Variants in RARB observed in about 807,000 individuals in gnomAD.
RARB encodes retinoic acid receptor beta.
RARB carries 17 observed loss-of-function variants against 51.9 expected under a neutral mutation model. The observed-to-expected ratio is 0.33, with a 90% CI of 0.22 to 0.49. The LOEUF is 0.49. RARB is among the 20% of genes least tolerant of loss of function. The probability of loss-of-function intolerance (pLI) is 0.99; values close to 1 mark genes in which losing one functional copy is unlikely to be tolerated. For missense variants in RARB, 369 were observed against 550.8 expected (o/e 0.67, Z 3.30); for synonymous variants, 215 against 195.4 (o/e 1.10, Z -0.84).
At chr3:25,302,605 C>T (rs1000098704) in intron 5 of RARB, among the ~76,000 whole-genome samples, 10 of 152,084 alleles carry the variant, frequency 6.6e-5, no homozygotes, top group African/African-American at 1.4e-4. Context: ...TGGGGACAAG[C>T]GACAATGGGG....
chr3:25,048,824 C>T (rs1054630350), intron 2 of RARB, among the ~76,000 whole-genome samples: 3 of 143,644 alleles, frequency 2.1e-5, no homozygotes, highest in African/African-American at 5.2e-5. Flanking sequence ...GGCGCGATCT[C>T]GGCTCACTGC....
chr3:24,951,865 C>G (rs1327297578), intron 2 of RARB, among the ~76,000 whole-genome samples: 1 of 152,164 alleles, frequency 6.6e-6, no homozygotes, highest in South Asian at 2.1e-4. Flanking sequence ...GGATTTGACT[C>G]ACCTTTGTTT....
chr3:25,159,056 T>A (rs1409969176), intron 4 of RARB, among the ~76,000 whole-genome samples: 2 of 149,700 alleles, frequency 1.3e-5, no homozygotes, highest in Non-Finnish European at 3.0e-5. Flanking sequence ...GCTGTGTAAG[T>A]GAAAAAAAAA....
At chr3:25,268,168 A>G (rs1422896689) in intron 5 of RARB, among the ~76,000 whole-genome samples, 1 of 152,208 alleles carries the variant, frequency 6.6e-6, no homozygotes, top group Non-Finnish European at 1.5e-5. Flanking sequence ...AACAGCTCTC[A>G]GCGGTAGATT....
At chr3:25,088,174 T>G (rs1467763367) in intron 3 of RARB, among the ~76,000 whole-genome samples, 1 of 152,104 alleles carries the variant, frequency 6.6e-6, no homozygotes, top group Non-Finnish European at 1.5e-5. Flanking sequence ...AACCTTGTTG[T>G]GATGAAGGAA....
intron 1 of RARB, among the ~76,000 whole-genome samples, chr3:24,840,742 T>TAAAAAAAAAA (rs55771334): frequency 4.3e-5 from 3 of 70,350 alleles, no homozygotes; most frequent in African/African-American, 5.5e-5. Flanking sequence ...TGAGTAAGAG[T>TAAAAAAAAAA]AAAAAAAAAA....
chr3:25,216,820 A>G (rs1575227758), intron 5 of RARB, among the ~76,000 whole-genome samples: 2 of 151,770 alleles, frequency 1.3e-5, no homozygotes, highest in South Asian at 4.1e-4. Flanking sequence ...TTTAGTCTAT[A>G]GTTTTGCTCC....
At position 24,914,575 on chromosome 3, in the gene RARB, G is replaced by T. The variant is rs559996863; in HGVS notation, c.-380+55823G>T. Among the ~76,000 whole-genome samples, 5 of 152,240 alleles carry T rather than the reference G, an allele frequency of 3.3e-5. No homozygotes were observed. In the South Asian group the frequency reaches 1.0e-3, roughly 32 times the overall value. ...CAAAATCCATGATACTCGTGTCCCT[G>T]ATAGAAAATGCTGTAGTATTTGCAT... On this transcript the variant is annotated intron_variant, in intron 2 of 11. Transcript: ENST00000383772.
chr3:25,118,611 T>C (rs1289330632), intron 3 of RARB, among the ~76,000 whole-genome samples: 1 of 152,194 alleles, frequency 6.6e-6, no homozygotes, highest in African/African-American at 2.4e-5. Context: ...ACATGGAGGA[T>C]AGCTGCTCTG....
At chr3:25,149,332 C>A (rs187026441) in intron 4 of RARB, among the ~76,000 whole-genome samples, 3 of 152,158 alleles carry the variant, frequency 2.0e-5, no homozygotes, top group African/African-American at 7.2e-5. Flanking sequence ...CCTGGTTTGT[C>A]GTCTGCAATC....
At chr3:24,831,702 G>T (rs553312368) in intron 1 of RARB, among the ~76,000 whole-genome samples, 13 of 151,984 alleles carry the variant, frequency 8.6e-5, no homozygotes, top group African/African-American at 3.1e-4. Context: ...AAAACTGTGG[G>T]GTTAGAAACT....
intron 5 of RARB, among the ~76,000 whole-genome samples, chr3:25,410,368 G>A (rs1707526862): frequency 6.6e-6 from 1 of 152,128 alleles, no homozygotes; most frequent in South Asian, 2.1e-4. Context: ...ATAAATGTTA[G>A]GAACATATTG....
chr3:25,047,503 A>G (rs185931294), intron 2 of RARB, among the ~76,000 whole-genome samples: 10 of 152,188 alleles, frequency 6.6e-5, no homozygotes, highest in African/African-American at 2.4e-4. Context: ...TACATCTACT[A>G]TATTGGATGT....
At chr3:25,123,206 G>T (rs559727440) in intron 3 of RARB, among the ~76,000 whole-genome samples, 1 of 152,288 alleles carries the variant, frequency 6.6e-6, no homozygotes, top group African/African-American at 2.4e-5. Flanking sequence ...AGGTTTGTCT[G>T]TGCTTCTCAC....
intron 3 of RARB, among the ~76,000 whole-genome samples, chr3:25,524,608 C>G (rs571488071): frequency 2.0e-5 from 3 of 150,048 alleles, no homozygotes; most frequent in Non-Finnish European, 4.5e-5. Context: ...TTCTCTTCCC[C>G]CCTCCCTTCC....
At chr3:24,934,964 A>C (rs1454278341) in intron 2 of RARB, among the ~76,000 whole-genome samples, 2 of 152,164 alleles carry the variant, frequency 1.3e-5, no homozygotes, top group East Asian at 1.9e-4. Flanking sequence ...AATTCCAAAA[A>C]GCACCCTAAA....
intron 5 of RARB, among the ~76,000 whole-genome samples, chr3:25,330,566 A>G (rs1211512498): frequency 1.3e-5 from 2 of 152,364 alleles, no homozygotes; most frequent in East Asian, 3.9e-4. Context: ...AACATGCCAA[A>G]TTGTAAAGAC....
chr3:24,976,104 C>A (rs1326404243), intron 2 of RARB, among the ~76,000 whole-genome samples: 1 of 152,074 alleles, frequency 6.6e-6, no homozygotes, highest in East Asian at 1.9e-4. Flanking sequence ...TGAACTCATC[C>A]TTTTTTATGG....
rs1470385126 is a variant in RARB at position 25,500,419 on chromosome 3, C to T, written c.307-763C>T. ...ACTCCTTTGAAAAAACTAACTCTTG[C>T]ATTAGGCAAATAATTTCTTTTTCTT... is the stretch of plus-strand genomic sequence containing the variant. On this transcript the variant is annotated intron_variant, in intron 2 of 7. Coordinates refer to ENST00000330688, the MANE Select transcript of RARB (RefSeq NM_000965.5). 4.9e-5 allele frequency among the ~76,000 whole-genome samples: 7 copies of T among 142,070 alleles called. No individual in the cohort carries two copies. In the South Asian group the frequency reaches 1.5e-3, roughly 31 times the overall value. The allele number at this position is 142,070 out of a possible 152,430, so 93.2% of individuals were successfully genotyped here.
Sources: allele counts gnomAD v4.1 joint callset (sites outside exome capture counted in the v4.1 genomes callset), GRCh38; gene constraint gnomAD v4.1.1; transcripts MANE v1.5; gene names NCBI Gene and HGNC (gene_info 2026-07-23, HGNC 2026-07-21).